Variants in BORCS5 observed in about 807,000 individuals in gnomAD.
The protein encoded by BORCS5 is BLOC-1 related complex subunit 5.
Under a neutral mutation model 22.1 loss-of-function variants are expected in BORCS5, and 17 were observed. That is an observed-to-expected ratio of 0.77 (90% CI 0.53 to 1.15). BORCS5 has a LOEUF of 1.15. Among genes scored for constraint, BORCS5 ranks in the 50% most tolerant of loss-of-function variants. The pLI is 0.00. For missense variants in BORCS5, 247 were observed against 253.2 expected (o/e 0.98, Z 0.17); for synonymous variants, 117 against 99.8 (o/e 1.17, Z -1.03).
Position 12,384,090 on chromosome 12 carries a change from T to C in BORCS5, c.202+22741T>C, listed in dbSNP as rs1863829687. Among the ~76,000 whole-genome samples the C allele has an allele frequency of 1.3e-5, 2 of 151,236 alleles. 1 individual carries two copies. The highest frequency in any genetic ancestry group is 3.0e-5 in the Non-Finnish European group (2 of 67,654). On this transcript the variant is annotated intron_variant, in intron 2 of 3. Transcript: ENST00000314565. The stretch of plus-strand genomic sequence containing the variant: ...ATTTTTCATTTCCATTATTATACTT[T>C]TCAACTCCAAGATTTCTGTTTGGTT...
chr12:12,451,672 A>C (rs1317527555), intron 3 of BORCS5, among the ~76,000 whole-genome samples: 4 of 152,204 alleles, frequency 2.6e-5, no homozygotes, highest in Non-Finnish European at 4.4e-5. Flanking sequence ...TCACGAGGTC[A>C]AGAGATCAAG....
intron 2 of BORCS5, among the ~76,000 whole-genome samples, chr12:12,382,742 G>A (rs1228178328): frequency 9.3e-5 from 14 of 150,848 alleles, no homozygotes; most frequent in South Asian, 6.3e-4. Flanking sequence ...CATGTTGGCC[G>A]GGCTGGTTTC....
Position 12,361,212 on chromosome 12 carries a change from C to T in BORCS5, c.65C>T (p.Pro22Leu). 1.9e-6 allele frequency: 3 copies of T among 1,613,896 alleles called. No homozygotes were observed. The highest frequency in any genetic ancestry group is 2.5e-6 in the Non-Finnish European group (3 of 1,179,820). ...RPNDLNSSVTPSPAKHRAKMD... is the reference protein window; with the variant it reads ...RPNDLNSSVTLSPAKHRAKMD... The stretch of plus-strand genomic sequence containing the variant: ...AGTGTAACTTTATTTTCAGTGACTC[C>T]TTCACCAGCCAAGCATAGAGCCAAG... The change falls in exon 2 of 4, where the codon CCT becomes CTT. Residue 22 changes from proline to leucine, a missense_variant. Coordinates refer to ENST00000314565, the MANE Select transcript of BORCS5 (RefSeq NM_058169.6).
chr12:12,452,553 G>C, intron 3 of BORCS5: 1 of 353,362 alleles, frequency 2.8e-6, no homozygotes, highest in East Asian at 8.0e-5. Context: ...CTCGCCTCGT[G>C]ATCTTGCCGG....
At chr12:12,446,560 T>C (rs1942795320) in intron 3 of BORCS5, among the ~76,000 whole-genome samples, 1 of 152,246 alleles carries the variant, frequency 6.6e-6, no homozygotes, top group Non-Finnish European at 1.5e-5. Context: ...GGTAGGAGAC[T>C]TGCAGATCTA....
In BORCS5 at chr12:12,363,488, C is replaced by T. The variant is rs1359988940; in HGVS notation, c.202+2139C>T. On this transcript the variant is annotated intron_variant, in intron 2 of 3. Coordinates refer to ENST00000314565, the MANE Select transcript of BORCS5 (RefSeq NM_058169.6). ...GCAGTGGCTTACGCCTGTAAAACAG[C>T]ACTTTGGGAGGCCAAGGCGGGTGGA... Among the ~76,000 whole-genome samples, 4 of 152,074 alleles carry T rather than the reference C, an allele frequency of 2.6e-5. No individual in the cohort carries two copies. In the East Asian group the frequency reaches 7.7e-4, roughly 29 times the overall value.
chr12:12,465,529 C>T lies in BORCS5; in HGVS notation c.361-17C>T. On this transcript the variant is annotated splice_polypyrimidine_tract_variant and intron_variant, in intron 3 of 3. Coordinates refer to ENST00000314565, the MANE Select transcript of BORCS5 (RefSeq NM_058169.6). Reference sequence around the variant, plus strand: ...TGATTAAACAAGGTATAATGTACTTCTCTTTCCCATCCACAGATGGATCTG... The same window carrying T: ...TGATTAAACAAGGTATAATGTACTTTTCTTTCCCATCCACAGATGGATCTG... The T allele has an allele frequency of 3.7e-6, 6 of 1,611,508 alleles. No individual in the cohort carries two copies. Among genetic ancestry groups the T allele is most frequent in the South Asian group, 1.1e-5 (1 of 90,970 alleles).
chr12:12,385,391 G>T (rs1863858423), intron 2 of BORCS5, among the ~76,000 whole-genome samples: 1 of 151,440 alleles, frequency 6.6e-6, no homozygotes, highest in South Asian at 2.1e-4. Flanking sequence ...TGCTAAAGCA[G>T]GAAAGCTTCC....
intron 3 of BORCS5, among the ~76,000 whole-genome samples, chr12:12,440,835 A>G (rs73287543): frequency 0.038 from 5,840 of 152,316 alleles, 378 homozygotes; most frequent in African/African-American, 0.13. Flanking sequence ...CTCATTATTC[A>G]GATGCAGAAA....
At position 12,383,281 on chromosome 12, in the gene BORCS5, T is replaced by C. The variant is rs1431984579; in HGVS notation, c.202+21932T>C. On this transcript the variant is annotated intron_variant, in intron 2 of 3. Coordinates refer to ENST00000314565, the MANE Select transcript of BORCS5 (RefSeq NM_058169.6). Reference sequence around the variant, plus strand: ...ATGCTTTGCTCCATTATAGCCTCATTCTTTCACCCTTTTTTGTGCTATTAT... The same window carrying C: ...ATGCTTTGCTCCATTATAGCCTCATCCTTTCACCCTTTTTTGTGCTATTAT... 2.0e-5 allele frequency among the ~76,000 whole-genome samples: 3 copies of C among 151,402 alleles called. No homozygotes were observed. In the East Asian group the frequency reaches 5.8e-4, roughly 29 times the overall value.
intron 2 of BORCS5, among the ~76,000 whole-genome samples, chr12:12,420,567 T>C (rs540006058): frequency 6.6e-6 from 1 of 152,338 alleles, no homozygotes; most frequent in African/African-American, 2.4e-5. Context: ...AGTAGTTTTT[T>C]CCAATTCTGT....
At chr12:12,414,710 G>C (rs1171901591) in intron 2 of BORCS5, among the ~76,000 whole-genome samples, 2 of 129,892 alleles carry the variant, frequency 1.5e-5, no homozygotes, top group Non-Finnish European at 3.3e-5. Context: ...CCTCCCTCCC[G>C]GATGGGGTGG....
intron 2 of BORCS5, among the ~76,000 whole-genome samples, chr12:12,375,952 C>T (rs1863640709): frequency 6.6e-6 from 1 of 151,836 alleles, no homozygotes; most frequent in Non-Finnish European, 1.5e-5. Context: ...TTCTAGGCGT[C>T]CACCACCGCG....
chr12:12,465,558 G>A lies in BORCS5; in HGVS notation c.373G>A (p.Val125Ile), dbSNP rs908666042. The change falls in exon 4 of 4, where the codon GTA becomes ATA. Residue 125 changes from valine (V) to isoleucine (I), a missense_variant. Val to Ile is a conservative substitution (Grantham distance 29). Coordinates refer to ENST00000314565, the MANE Select transcript of BORCS5 (RefSeq NM_058169.6). Reference sequence around the variant, plus strand: ...TTCCCATCCACAGATGGATCTGTCTGTAGAAACTCTGTTCAGCTTCATGCA... The same window carrying A: ...TTCCCATCCACAGATGGATCTGTCTATAGAAACTCTGTTCAGCTTCATGCA... ...VKRIKEMDLS[V>I]ETLFSFMQER... The A allele has an allele frequency of 2.5e-6, 4 of 1,614,204 alleles. No individual in the cohort carries two copies. In the African/African-American group the frequency reaches 5.3e-5, roughly 22 times the overall value.
intron 3 of BORCS5, among the ~76,000 whole-genome samples, chr12:12,464,201 G>GT (rs35244701): frequency 9.2e-4 from 133 of 145,006 alleles, no homozygotes; most frequent in South Asian, 4.4e-3. Flanking sequence ...TCACTCCCAT[G>GT]TTTTTTTTTT....
At chr12:12,453,023 A>C (rs1942939993) in intron 3 of BORCS5, among the ~76,000 whole-genome samples, 1 of 152,202 alleles carries the variant, frequency 6.6e-6, no homozygotes, top group African/African-American at 2.4e-5. Context: ...ACCATGAGTC[A>C]AAGACCAAAT....
chr12:12,384,623 T>C (rs1863842798), intron 2 of BORCS5, among the ~76,000 whole-genome samples: 1 of 151,132 alleles, frequency 6.6e-6, no homozygotes, highest in African/African-American at 2.4e-5. Flanking sequence ...CTTTGTTTAG[T>C]AACATGTTTG....
chr12:12,437,265 G>C lies in BORCS5; in HGVS notation c.360+1480G>C, dbSNP rs1436844610. Among the ~76,000 whole-genome samples the C allele has an allele frequency of 2.6e-5, 4 of 152,188 alleles. No homozygotes were observed. The East Asian group carries it at 7.7e-4, about 29-fold the overall frequency. On this transcript the variant is annotated intron_variant, in intron 3 of 3. Coordinates refer to ENST00000314565, the MANE Select transcript of BORCS5 (RefSeq NM_058169.6). The stretch of plus-strand genomic sequence containing the variant: ...TGTAAAGGGGAGTTCCCCTACACAA[G>C]CTCTCTTGCCTGCCGCCATGTAAGA...
chr12:12,454,471 ATCT>A (rs1565932448), intron 3 of BORCS5, among the ~76,000 whole-genome samples: 1 of 152,178 alleles, frequency 6.6e-6, no homozygotes, highest in Non-Finnish European at 1.5e-5. Context: ...CCATTTGTAT[ATCT>A]TCTTTGGATA....
Sources: allele counts gnomAD v4.1 joint callset (sites outside exome capture counted in the v4.1 genomes callset), GRCh38; gene constraint gnomAD v4.1.1; transcripts MANE v1.5; gene names NCBI Gene and HGNC (gene_info 2026-07-23, HGNC 2026-07-21).